KAZN: variants seen among roughly 807,000 people sequenced by gnomAD.
KAZN encodes kazrin, periplakin interacting protein.
In KAZN, 40 loss-of-function variants were observed where a neutral mutation model predicts 87.4. The observed-to-expected ratio is 0.46, with a 90% CI of 0.36 to 0.60. The LOEUF (loss-of-function observed/expected upper bound fraction) is 0.60, where lower values mean the gene tolerates loss of function less well. Among genes scored for constraint, KAZN ranks in the 20% least tolerant of loss-of-function variants. The pLI, the probability that KAZN is intolerant of heterozygous loss-of-function variation, is 0.00. For synonymous variants in KAZN, 466 were observed against 458.3 expected (o/e 1.02, Z -0.22); for missense variants, 898 against 1,073.9 (o/e 0.84, Z 2.29).
At chr1:14,340,692 C>T (rs190021272) in intron 2 of KAZN, among the ~76,000 whole-genome samples, 11 of 152,262 alleles carry the variant, frequency 7.2e-5, no homozygotes, top group Admixed American at 1.3e-4. Context: ...CCGTTCTGTT[C>T]TATGGAAGTC....
At chr1:14,236,844 A>G (rs1359635949) in intron 2 of KAZN, among the ~76,000 whole-genome samples, 1 of 152,122 alleles carries the variant, frequency 6.6e-6, no homozygotes, top group Non-Finnish European at 1.5e-5. Flanking sequence ...AGATTGATTG[A>G]GCCCAGAAAG....
intron 2 of KAZN, among the ~76,000 whole-genome samples, chr1:14,997,201 TTTCATTTATTTATTTA>T (rs1311910375): frequency 0.014 from 1,877 of 137,398 alleles, 35 homozygotes; most frequent in South Asian, 0.067. Flanking sequence ...TCTTTCTTTC[TTTCATTTATTTATTTA>T]TTTATTTATT....
intron 2 of KAZN, among the ~76,000 whole-genome samples, chr1:14,311,372 A>G (rs1655282209): frequency 6.6e-6 from 1 of 152,216 alleles, no homozygotes; most frequent in African/African-American, 2.4e-5. Context: ...AGGATGATAT[A>G]AAGCTTTATC....
intron 4 of KAZN, among the ~76,000 whole-genome samples, chr1:15,045,320 C>T (rs1673359654): frequency 6.6e-6 from 1 of 152,206 alleles, no homozygotes; most frequent in African/African-American, 2.4e-5. Context: ...GGGTTCGAAT[C>T]CAGCCCCAGG....
intron 2 of KAZN, among the ~76,000 whole-genome samples, chr1:14,347,614 A>C (rs1165998809): frequency 6.6e-6 from 1 of 152,214 alleles, no homozygotes; most frequent in East Asian, 1.9e-4. Flanking sequence ...CTGCTTCTGC[A>C]GTTGTCAAAA....
At chr1:13,965,598 C>T (rs1451437352) in intron 1 of KAZN, among the ~76,000 whole-genome samples, 1 of 152,186 alleles carries the variant, frequency 6.6e-6, no homozygotes, top group Non-Finnish European at 1.5e-5. Context: ...CCCAGCAAGA[C>T]TGGGAGCTTC....
intron 1 of KAZN, among the ~76,000 whole-genome samples, chr1:14,787,320 A>G (rs1438808879): frequency 6.6e-6 from 1 of 152,234 alleles, no homozygotes. Context: ...CCCATGTTAC[A>G]GTAGAAAACC....
At chr1:14,168,186 T>C (rs969405279) in intron 1 of KAZN, among the ~76,000 whole-genome samples, 1 of 152,214 alleles carries the variant, frequency 6.6e-6, no homozygotes, top group Non-Finnish European at 1.5e-5. Context: ...CTACATGATT[T>C]TGTCAGAATC....
intron 2 of KAZN, among the ~76,000 whole-genome samples, chr1:14,351,191 C>T (rs1484161210): frequency 6.6e-6 from 1 of 152,220 alleles, no homozygotes; most frequent in Non-Finnish European, 1.5e-5. Context: ...ACATGTTCAT[C>T]ATTTCGCCAG....
At chr1:15,082,207 G>A (rs1180854923) in intron 8 of KAZN, among the ~76,000 whole-genome samples, 1 of 152,194 alleles carries the variant, frequency 6.6e-6, no homozygotes, top group African/African-American at 2.4e-5. Flanking sequence ...GCAGCAACAG[G>A]CCCAGCCAGG....
chr1:14,526,801 G>A (rs12044865), intron 2 of KAZN, among the ~76,000 whole-genome samples: 65,160 of 151,878 alleles, frequency 0.43, 14,635 homozygotes, highest in Middle Eastern at 0.55. Context: ...GTTCTCCCCC[G>A]CTGCTCAATG....
chr1:14,214,257 G>T (rs116048660), intron 2 of KAZN, among the ~76,000 whole-genome samples: 1 of 133,858 alleles, frequency 7.5e-6, no homozygotes, highest in Non-Finnish European at 1.6e-5. Context: ...AGTGTACATC[G>T]TTATCTGACA....
intron 1 of KAZN, among the ~76,000 whole-genome samples, chr1:13,962,453 A>G (rs1459489614): frequency 2.0e-5 from 3 of 152,124 alleles, no homozygotes; most frequent in Non-Finnish European, 2.9e-5. Flanking sequence ...AGGTGCCCTG[A>G]CACCATGTGG....
rs757118365 is a variant in KAZN, at chr1:13,945,710, T to TGTGTGTGA, written c.91+51955_91+51956insTGTGTGAG. Among the ~76,000 whole-genome samples the TGTGTGTGA allele has an allele frequency of 1.1e-3, 148 of 137,232 alleles. 1 individual carries two copies. The highest frequency in any genetic ancestry group is 1.8e-3 in the African/African-American group (61 of 34,564). The allele number at this position is 137,232 out of a possible 152,430, so 90.0% of individuals were successfully genotyped here. On this transcript the variant is annotated intron_variant, in intron 1 of 16. Coordinates refer to the KAZN transcript ENST00000636203. The stretch of plus-strand genomic sequence containing the variant: ...GTGTGTGTGTGTGTGTGTGTGTGTG[T>TGTGTGTGA]GAGAGAGAGAGAGAGAGAGAGAGAG...
At chr1:14,823,089 A>C (rs183136250) in intron 1 of KAZN, among the ~76,000 whole-genome samples, 3 of 152,068 alleles carry the variant, frequency 2.0e-5, no homozygotes, top group Admixed American at 6.5e-5. Context: ...TTCCCCCTGC[A>C]ACCAGCCCCG....
intron 2 of KAZN, among the ~76,000 whole-genome samples, chr1:14,182,579 C>G (rs1646220583): frequency 6.6e-6 from 1 of 152,192 alleles, no homozygotes; most frequent in Non-Finnish European, 1.5e-5. Flanking sequence ...CTGCTAGTGT[C>G]TCAGATGAGT....
intron 2 of KAZN, among the ~76,000 whole-genome samples, chr1:14,246,431 CTT>C: frequency 6.6e-6 from 1 of 152,168 alleles, no homozygotes; most frequent in Non-Finnish European, 1.5e-5. Flanking sequence ...TTTAAGAACA[CTT>C]TATTAAAAAC....
intron 2 of KAZN, among the ~76,000 whole-genome samples, chr1:14,265,969 G>A (rs771613336): frequency 1.3e-5 from 2 of 152,150 alleles, no homozygotes; most frequent in Non-Finnish European, 2.9e-5. Context: ...CCTCTCCCTC[G>A]GGTGTTGTTT....
chr1:14,846,109 T>C (rs1367277521), intron 1 of KAZN, among the ~76,000 whole-genome samples: 2 of 152,180 alleles, frequency 1.3e-5, no homozygotes, highest in African/African-American at 4.8e-5. Context: ...ACACTCCCTA[T>C]ACTTGGAAGT....
Sources: allele counts gnomAD v4.1 joint callset (sites outside exome capture counted in the v4.1 genomes callset), GRCh38; gene constraint gnomAD v4.1.1; transcripts MANE v1.5; gene names NCBI Gene and HGNC (gene_info 2026-07-23, HGNC 2026-07-21).